Variants in PRAG1 observed in about 807,000 individuals in gnomAD.
PRAG1 encodes the protein inactive tyrosine-protein kinase PRAG1.
A neutral mutation model predicts 95.6 loss-of-function variants in PRAG1; 110 were observed. That is an observed-to-expected ratio of 1.15 (90% confidence interval 0.99 to 1.35). The LOEUF (loss-of-function observed/expected upper bound fraction) is 1.35, where lower values mean the gene tolerates loss of function less well. Among genes scored for constraint, PRAG1 ranks in the 40% most tolerant of loss-of-function variants. PRAG1 has a pLI of 0.00. For missense variants in PRAG1, 2,554 were observed against 1,864.7 expected, an observed-to-expected ratio of 1.37 and a Z score of -6.81; for synonymous variants, 1,052 against 819.4, an observed-to-expected ratio of 1.28 and a Z score of -4.85.
At chr8:8,358,279 C>G (rs149024647) in intron 3 of PRAG1, among the ~76,000 whole-genome samples, 1 of 152,298 alleles carries the variant, frequency 6.6e-6, no homozygotes, top group East Asian at 1.9e-4. Context: ...CATGATGCTT[C>G]CATGCCCTCT....
At chr8:8,348,303 T>G (rs951486256) in intron 3 of PRAG1, among the ~76,000 whole-genome samples, 2 of 152,204 alleles carry the variant, frequency 1.3e-5, no homozygotes, top group Non-Finnish European at 2.9e-5. Flanking sequence ...GAAAGAGCCC[T>G]ACCTGGCACT....
chr8:8,362,620 G>A (rs189855811), intron 3 of PRAG1, among the ~76,000 whole-genome samples: 6 of 152,292 alleles, frequency 3.9e-5, no homozygotes, highest in African/African-American at 4.8e-5. Flanking sequence ...CAAACTGTTG[G>A]AAATAAATGC....
chr8:8,357,297 A>G (rs2976915), intron 3 of PRAG1, among the ~76,000 whole-genome samples: 1 of 152,318 alleles, frequency 6.6e-6, no homozygotes, highest in East Asian at 1.9e-4. Flanking sequence ...ATAAGCGGTT[A>G]ATATCCAAAA....
intron 3 of PRAG1, among the ~76,000 whole-genome samples, chr8:8,373,399 T>G (rs1022527689): frequency 6.6e-6 from 1 of 152,160 alleles, no homozygotes; most frequent in Non-Finnish European, 1.5e-5. Flanking sequence ...TTATTTTGAA[T>G]AAAATAAGAT....
intron 3 of PRAG1, among the ~76,000 whole-genome samples, chr8:8,341,808 G>C (rs1407562128): frequency 2.0e-5 from 3 of 152,118 alleles, no homozygotes; most frequent in African/African-American, 7.2e-5. Flanking sequence ...TCCTGTCCTT[G>C]TCCAATTTGG....
At position 8,381,424 on chromosome 8, in the gene PRAG1, G is replaced by C; in HGVS notation, c.324C>G (p.Val108=). The change falls in exon 2 of 6, where the codon GTC becomes GTG. Residue 108 remains valine, a synonymous_variant. Transcript: ENST00000615670. ...GAGTGTTAGTCAGCCTCACCTGCGA[G>C]ACTTCGGCACTCAGGTTGGCCTCTG... ...VWTEANLSAE[V]SQVIWRRAPG... 1 of 1,603,562 alleles carries C rather than the reference G, an allele frequency of 6.2e-7. No individual in the cohort carries two copies. Among genetic ancestry groups the C allele is most frequent in the African/African-American group, 1.3e-5 (1 of 74,856 alleles).
At chr8:8,325,916 T>A (rs1798623891) in intron 5 of PRAG1, among the ~76,000 whole-genome samples, 1 of 150,160 alleles carries the variant, frequency 6.7e-6, no homozygotes, top group African/African-American at 2.5e-5. Flanking sequence ...TGTCTCTAAA[T>A]AAATACATTA....
At chr8:8,380,111 CA>C (rs929452992) in intron 2 of PRAG1, among the ~76,000 whole-genome samples, 18 of 151,224 alleles carry the variant, frequency 1.2e-4, no homozygotes, top group Non-Finnish European at 2.5e-4. Flanking sequence ...AAAACAAAAA[CA>C]AAAAAACGCC....
intron 3 of PRAG1, among the ~76,000 whole-genome samples, chr8:8,366,313 CT>C (rs36037685): frequency 0.039 from 5,177 of 133,884 alleles, 231 homozygotes; most frequent in African/African-American, 0.13. Flanking sequence ...CATGGGAATT[CT>C]TTTTTTTTTT....
chr8:8,359,346 T>C (rs1413080588), intron 3 of PRAG1, among the ~76,000 whole-genome samples: 2 of 152,228 alleles, frequency 1.3e-5, no homozygotes, highest in African/African-American at 4.8e-5. Context: ...AATTCCCAGA[T>C]GCATGGTATA....
At chr8:8,384,539 T>C (rs1474166898) in intron 1 of PRAG1, among the ~76,000 whole-genome samples, 22 of 146,526 alleles carry the variant, frequency 1.5e-4, no homozygotes, top group Admixed American at 1.3e-3. Context: ...CCCACTGTCA[T>C]TGACTCACTG....
rs2116949928 is a variant in PRAG1, at chr8:8,381,643, G to A, written c.105C>T (p.Cys35=). ...WKPGSCKNCF[C]LRSDHQLVAG... ...CCACCAGCTGGTGGTCGCTCCGCAG[G>A]CAGAAGCAGTTCTTGCAGGACCCGG... The change falls in exon 2 of 6, where the codon TGC becomes TGT. Residue 35 remains cysteine (C), a synonymous_variant. Transcript: ENST00000615670. 6.2e-7 allele frequency: 1 copy of A among 1,613,890 alleles called. No individual in the cohort carries two copies. Among genetic ancestry groups the A allele is most frequent in the African/African-American group, 1.3e-5 (1 of 75,046 alleles).
chr8:8,381,100 A>T (rs888390164), intron 2 of PRAG1, among the ~76,000 whole-genome samples: 1 of 152,162 alleles, frequency 6.6e-6, no homozygotes, highest in African/African-American at 2.4e-5. Flanking sequence ...TGCTACTTGT[A>T]TATATATTTA....
At chr8:8,370,029 A>G (rs933227945) in intron 3 of PRAG1, among the ~76,000 whole-genome samples, 38 of 152,350 alleles carry the variant, frequency 2.5e-4, no homozygotes, top group African/African-American at 8.4e-4. Flanking sequence ...TCAAAAGTAG[A>G]CAATTAATAG....
Position 8,327,796 on chromosome 8 carries a change from A to T in PRAG1, c.2986T>A (p.Cys996Ser), listed in dbSNP as rs751785660. The change falls in exon 5 of 6, where the codon TGT becomes AGT. Residue 996 changes from cysteine (C) to serine (S), a missense_variant. By Grantham distance (112) the Cys-to-Ser change is moderately radical (BLOSUM62 -1). Coordinates refer to ENST00000615670, the MANE Select transcript of PRAG1 (RefSeq NM_001080826.3). ...CCCGAGTCACAGCAGGGCTTGTTAC[A>T]AGTCAGCTTGAAGAGCGACCAGTTA... Reference protein sequence around the residue: ...ENNWSLFKLTCNKPCCDSGDA... With the variant: ...ENNWSLFKLTSNKPCCDSGDA... 3 of 1,614,206 alleles carry T rather than the reference A, an allele frequency of 1.9e-6. No homozygotes were observed. In the East Asian group the frequency reaches 6.7e-5, roughly 36 times the overall value.
intron 3 of PRAG1, among the ~76,000 whole-genome samples, chr8:8,371,209 A>G (rs1800187604): frequency 6.7e-6 from 1 of 150,254 alleles, no homozygotes; most frequent in Non-Finnish European, 1.5e-5. Flanking sequence ...CCCCACAGAA[A>G]AAGGGGTGAA....
Position 8,376,230 on chromosome 8 carries a change from C to G in PRAG1, c.2162+17G>C. The G allele has an allele frequency of 5.6e-6, 9 of 1,605,606 alleles. No homozygotes were observed. The highest frequency in any genetic ancestry group is 7.7e-6 in the Non-Finnish European group (9 of 1,176,066). ...TTTGCCCTGCAGACAGAGTCCCAGG[C>G]AGACAATGGTACTCACCGCGACTTT... is the stretch of plus-strand genomic sequence containing the variant. On this transcript the variant is annotated intron_variant, in intron 3 of 5. Coordinates refer to ENST00000615670, the MANE Select transcript of PRAG1 (RefSeq NM_001080826.3).
chr8:8,366,687 CT>C (rs145953960), intron 3 of PRAG1, among the ~76,000 whole-genome samples: 3 of 150,826 alleles, frequency 2.0e-5, no homozygotes, highest in African/African-American at 2.4e-5. Context: ...TTATTTTTAT[CT>C]TTTTTTTTGA....
chr8:8,384,318 G>C (rs1393402057), intron 1 of PRAG1, among the ~76,000 whole-genome samples: 4 of 152,108 alleles, frequency 2.6e-5, no homozygotes, highest in African/African-American at 4.8e-5. Context: ...TGCAAAGGGA[G>C]TGTGGAAGGA....
Sources: gnomAD v4.1 joint callset for allele counts (sites outside exome capture counted in the v4.1 genomes callset) on GRCh38, gnomAD v4.1.1 for gene constraint, MANE v1.5 for transcripts, NCBI Gene and HGNC (gene_info 2026-07-23, HGNC 2026-07-21) for gene names.